GET3: variants seen among roughly 807,000 people sequenced by gnomAD.
The protein encoded by GET3 is guided entry of tail-anchored proteins factor 3, ATPase.
Under a neutral mutation model 32.4 loss-of-function variants are expected in GET3, and 15 were observed. The observed-to-expected ratio is 0.46, with a 90% CI of 0.31 to 0.71. The LOEUF (loss-of-function observed/expected upper bound fraction) is 0.71. GET3 is among the 30% of genes least tolerant of loss of function. The pLI, the probability that GET3 is intolerant of heterozygous loss-of-function variation, is 0.05. For synonymous variants in GET3, 198 were observed against 185.6 expected (o/e 1.07, Z -0.54); for missense variants, 333 against 459.0 (o/e 0.73, Z 2.51).
In GET3 at chr19:12,747,190, C is replaced by G; in HGVS notation, c.610-7C>G. The G allele has an allele frequency of 1.3e-6, 2 of 1,584,494 alleles. No individual in the cohort carries two copies. The highest frequency in any genetic ancestry group is 1.7e-6 in the Non-Finnish European group (2 of 1,164,698). ...AAGCTATGAGCCCTCCCACATCCCC[C>G]CTGCAGATGTGCAACATGCTGGGCC... On this transcript the variant is annotated splice_region_variant and splice_polypyrimidine_tract_variant and intron_variant, in intron 4 of 6. Transcript: ENST00000357332. This position sits in a 1 kb window ranked among gnomAD's most constrained non-coding sequence, Gnocchi z 4.0.
intron 2 of GET3, 39 bp downstream of exon 2, chr19:12,738,697 G>A (rs1257725588): frequency 1.2e-6 from 2 of 1,613,048 alleles, no homozygotes; most frequent in East Asian, 4.5e-5. Flanking sequence ...TCTGGGAAAA[G>A]CCTCTTCCAG....
intron 1 of GET3, among the ~76,000 whole-genome samples, chr19:12,738,287 C>G (rs1003120551): frequency 6.6e-6 from 1 of 152,132 alleles, no homozygotes; most frequent in Non-Finnish European, 1.5e-5. Context: ...CAGACTCAGT[C>G]AGCTGAACCT....
At chr19:12,737,714 G>GGGCGAAGGGGA (rs751897559) in intron 1 of GET3, 48 bp downstream of exon 1, 1 of 1,546,710 alleles carries the variant, frequency 6.5e-7, no homozygotes. Flanking sequence ...ATATACCACT[G>GGGCGAAGGGGA]GGCGAAGGGG....
intron 2 of GET3, among the ~76,000 whole-genome samples, chr19:12,742,539 C>T (rs1355088861): frequency 2.6e-5 from 4 of 152,072 alleles, no homozygotes; most frequent in East Asian, 1.9e-4. Flanking sequence ...CTCAGCCTCC[C>T]GAGTAGCTGG....
rs865881461 is a variant in GET3, at chr19:12,745,479, G to A, written c.412G>A (p.Ala138Thr). 4.3e-6 allele frequency: 7 copies of A among 1,612,950 alleles called. No individual in the cohort carries two copies. The highest frequency in any genetic ancestry group is 2.7e-5 in the African/African-American group (2 of 74,932). Residue 138 changes from alanine (A) to threonine (T), a missense_variant, in exon 3 of 7, where the codon GCA becomes ACA. By Grantham distance (58) the Ala-to-Thr change is moderately conservative. Around this residue, in one of 3 missense-constraint regions of GET3, gnomAD observed 230 missense variants for 389.2 expected, o/e 0.59. Transcript: ENST00000357332. The surrounding 1 kb of genome is among the most constrained non-coding windows in gnomAD (Gnocchi z 5.0). The stretch of plus-strand genomic sequence containing the variant: ...GAAGATGATGCAGGAGGCCATGAGC[G>A]CATTTCCCGGCATCGATGAGGCCAT... ...GKKMMQEAMSAFPGIDEAMSY... is the reference protein window; with the variant it reads ...GKKMMQEAMSTFPGIDEAMSY...
At position 12,747,939 on chromosome 19, in the gene GET3, G is replaced by C. The variant is rs759685093; in HGVS notation, c.916-34G>C. The C allele has an allele frequency of 3.2e-6, 5 of 1,557,624 alleles. No homozygotes were observed. The East Asian group carries it at 1.1e-4, about 35-fold the overall frequency. On this transcript the variant is annotated intron_variant, in intron 6 of 6. Coordinates refer to ENST00000357332, the MANE Select transcript of GET3 (RefSeq NM_004317.4). The surrounding 1 kb of genome is among the most constrained non-coding windows in gnomAD (Gnocchi z 4.0). ...CTCTGTCTCTGCCTTCCTGCCCCCTGACCACTGCCTTCTACCCTCTGCCCT... is the reference window on the plus strand; with the variant it reads ...CTCTGTCTCTGCCTTCCTGCCCCCTCACCACTGCCTTCTACCCTCTGCCCT...
Position 12,747,147 on chromosome 19 carries a change from C to T in GET3, c.610-50C>T, listed in dbSNP as rs778188149. On this transcript the variant is annotated intron_variant, in intron 4 of 6. Coordinates refer to ENST00000357332, the MANE Select transcript of GET3 (RefSeq NM_004317.4). This position sits in a 1 kb window ranked among gnomAD's most constrained non-coding sequence, Gnocchi z 4.0. The stretch of plus-strand genomic sequence containing the variant: ...TCGGGTGTTTAGTGAACCCCCAACC[C>T]AGGAGGTCGCCGCAGGTAAGCTATG... The T allele has an allele frequency of 1.3e-5, 20 of 1,499,854 alleles. No homozygotes were observed. In the African/African-American group the frequency reaches 1.5e-4, roughly 11 times the overall value. The allele number at this position is 1,499,854 out of a possible 1,614,324, so 92.9% of individuals were successfully genotyped here.
chr19:12,747,191 C>A lies in GET3; in HGVS notation c.610-6C>A. 1 of 1,587,592 alleles carries A rather than the reference C, an allele frequency of 6.3e-7. No homozygotes were observed. Among genetic ancestry groups the A allele is most frequent in the Non-Finnish European group, 8.6e-7 (1 of 1,166,060 alleles). On this transcript the variant is annotated splice_region_variant and splice_polypyrimidine_tract_variant and intron_variant, in intron 4 of 6. Coordinates refer to ENST00000357332, the MANE Select transcript of GET3 (RefSeq NM_004317.4). This position sits in a 1 kb window ranked among gnomAD's most constrained non-coding sequence, Gnocchi z 4.0. ...AGCTATGAGCCCTCCCACATCCCCC[C>A]TGCAGATGTGCAACATGCTGGGCCT...
At position 12,747,568 on chromosome 19, in the gene GET3, G is replaced by T. The variant is rs1568350401; in HGVS notation, c.891G>T (p.Lys297Asn). 1 of 1,613,350 alleles carries T rather than the reference G, an allele frequency of 6.2e-7. No individual in the cohort carries two copies. The highest frequency in any genetic ancestry group is 8.5e-7 in the Non-Finnish European group (1 of 1,179,926). Residue 297 changes from lysine (K) to asparagine (N), a missense_variant, in exon 6 of 7, where the codon AAG becomes AAT. Physicochemically the swap from Lys to Asn is moderately conservative, Grantham distance 94 (BLOSUM62 0). This residue lies in a region of GET3 where 230 missense variants were observed against 389.2 expected (regional missense o/e 0.59). Coordinates refer to ENST00000357332, the MANE Select transcript of GET3 (RefSeq NM_004317.4). This position sits in a 1 kb window ranked among gnomAD's most constrained non-coding sequence, Gnocchi z 4.0. ...KPCKMCEARHKIQAKYLDQME... is the reference protein window; with the variant it reads ...KPCKMCEARHNIQAKYLDQME... ...GCAAGATGTGTGAGGCCCGTCACAA[G>T]ATCCAGGCCAAGTATCTGGACCAGG...
chr19:12,737,629 G>A lies in GET3; in HGVS notation c.124G>A (p.Val42Ile). ...IEQRSLKWIFVGGKGGVGKTT... is the reference protein window; with the variant it reads ...IEQRSLKWIFIGGKGGVGKTT... Reference sequence around the variant, plus strand: ...GCAGCGCAGCCTGAAGTGGATCTTCGTCGGGGGCAAGGGTGGTGTGGGCAA... The same window carrying A: ...GCAGCGCAGCCTGAAGTGGATCTTCATCGGGGGCAAGGGTGGTGTGGGCAA... The change falls in exon 1 of 7, where the codon GTC becomes ATC. Residue 42 changes from valine to isoleucine, a missense_variant. Transcript: ENST00000357332. The A allele has an allele frequency of 1.2e-6, 2 of 1,611,172 alleles. No individual in the cohort carries two copies. Among genetic ancestry groups the A allele is most frequent in the South Asian group, 1.1e-5 (1 of 90,690 alleles).
chr19:12,748,033 C>CG lies in GET3; in HGVS notation c.982dup (p.Ala328GlyfsTer90), dbSNP rs763284415. On this transcript the variant is annotated frameshift_variant, in exon 7 of 7. Transcript: ENST00000357332. LOFTEE classifies it high-confidence loss of function. ...GCTGCCGCTGTTACCCCATGAGGTG[C>CG]GGGGGGCAGACAAGGTCAACACCTT... is the stretch of plus-strand genomic sequence containing the variant. The CG allele has an allele frequency of 5.0e-6, 8 of 1,611,806 alleles. No individual in the cohort carries two copies. Among genetic ancestry groups the CG allele is most frequent in the Admixed American group, 1.7e-5 (1 of 59,878 alleles).
In GET3 at chr19:12,745,579, A is replaced by G. The variant is rs766372660; in HGVS notation, c.459-30A>G. The G allele has an allele frequency of 1.2e-6, 2 of 1,611,714 alleles. No homozygotes were observed. Among genetic ancestry groups the G allele is most frequent in the African/African-American group, 1.3e-5 (1 of 74,580 alleles). On this transcript the variant is annotated intron_variant, in intron 3 of 6. Transcript: ENST00000357332. This position sits in a 1 kb window ranked among gnomAD's most constrained non-coding sequence, Gnocchi z 5.0. ...TGCCTGGGGAAGGGGAAGAGCGGAC[A>G]CAGAGGGCCTGACCCCTGTCTCCCC...
In GET3 at chr19:12,747,376, CCT is replaced by C. The variant is rs776684128; in HGVS notation, c.718-13_718-12del. The C allele has an allele frequency of 1.9e-6, 3 of 1,613,886 alleles. No homozygotes were observed. In the South Asian group the frequency reaches 3.3e-5, roughly 18 times the overall value. On this transcript the variant is annotated splice_polypyrimidine_tract_variant and intron_variant, in intron 5 of 6. Coordinates refer to ENST00000357332, the MANE Select transcript of GET3 (RefSeq NM_004317.4). The surrounding 1 kb of genome is among the most constrained non-coding windows in gnomAD (Gnocchi z 4.0). ...AGGGGCAGACCCCGCCCCTCACTGT[CCT>C]CTCTCGTGCCCTGTAGGAGCAGACA...
chr19:12,748,302 C>G lies in GET3; in HGVS notation c.*198C>G, dbSNP rs1967813777. 2.0e-6 allele frequency: 1 copy of G among 505,582 alleles called. No homozygotes were observed. Among genetic ancestry groups the G allele is most frequent in the African/African-American group, 1.9e-5 (1 of 51,756 alleles). The allele number at this position is 505,582 out of a possible 1,614,324, so 31.3% of individuals were successfully genotyped here. A position where few individuals can be genotyped will look rare whatever the true frequency, so the allele number is the denominator to read the frequency against. On this transcript the variant is annotated 3_prime_UTR_variant, in exon 7 of 7. Coordinates refer to ENST00000357332, the MANE Select transcript of GET3 (RefSeq NM_004317.4). ...CCTACCTCTCCCACCTCTTGCTCTT[C>G]AATAAAATGATCTTAAACTGCTGTA...
intron 2 of GET3, among the ~76,000 whole-genome samples, chr19:12,739,722 G>GCC (rs1967630962): frequency 6.6e-6 from 1 of 152,112 alleles, no homozygotes. Context: ...CATTGATTTG[G>GCC]AAGTCACTGT....
intron 2 of GET3, among the ~76,000 whole-genome samples, chr19:12,740,707 G>C (rs1050339577): frequency 6.6e-6 from 1 of 152,166 alleles, no homozygotes; most frequent in Non-Finnish European, 1.5e-5. Flanking sequence ...ATAAAATAAA[G>C]AGATGCTGCA....
chr19:12,746,451 G>A (rs961513943), intron 4 of GET3, among the ~76,000 whole-genome samples: 7 of 152,126 alleles, frequency 4.6e-5, no homozygotes, highest in African/African-American at 1.4e-4. Context: ...TTATTATTAC[G>A]ATGACAACCC....
chr19:12,743,718 A>ATC, intron 2 of GET3, among the ~76,000 whole-genome samples: 24 of 124,840 alleles, frequency 1.9e-4, no homozygotes, highest in African/African-American at 6.8e-4. Flanking sequence ...GCGAGACTCC[A>ATC]TCTCTTTTTT....
chr19:12,739,150 G>A (rs952465381), intron 2 of GET3, among the ~76,000 whole-genome samples: 1 of 151,918 alleles, frequency 6.6e-6, no homozygotes, highest in Non-Finnish European at 1.5e-5. Flanking sequence ...AATGTTGGGG[G>A]AGAAGTAGTC....
Sources: gnomAD v4.1 joint callset for allele counts (sites outside exome capture counted in the v4.1 genomes callset) on GRCh38, gnomAD v4.1.1 for gene constraint, gnomAD v4.1.1 regional missense constraint, Gnocchi (gnomAD v3.1) non-coding constraint, MANE v1.5 for transcripts, NCBI Gene and HGNC (gene_info 2026-07-23, HGNC 2026-07-21) for gene names.